UBE2G1: variants seen among roughly 807,000 people sequenced by gnomAD.
UBE2G1 encodes ubiquitin conjugating enzyme E2 G1.
Under a neutral mutation model 22.7 loss-of-function variants are expected in UBE2G1, and 5 were observed. That is an observed-to-expected ratio of 0.22 (90% CI 0.12 to 0.46). UBE2G1 has a LOEUF of 0.46. UBE2G1 is among the 20% of genes least tolerant of loss of function. The probability of loss-of-function intolerance (pLI) is 0.99; values close to 1 mark genes in which losing one functional copy is unlikely to be tolerated. For synonymous variants in UBE2G1, 74 were observed against 67.5 expected, an observed-to-expected ratio of 1.10 and a Z score of -0.47; for missense variants, 88 against 203.9, an observed-to-expected ratio of 0.43 and a Z score of 3.46.
chr17:4,340,275 A>G (rs1177163442), intron 1 of UBE2G1, among the ~76,000 whole-genome samples: 1 of 152,184 alleles, frequency 6.6e-6, no homozygotes, highest in African/African-American at 2.4e-5. Context: ...GTCTTGCCCT[A>G]AACTGATACT....
chr17:4,351,030 CAAA>C (rs796508050), intron 1 of UBE2G1, among the ~76,000 whole-genome samples: 15 of 109,882 alleles, frequency 1.4e-4, no homozygotes, highest in Admixed American at 2.9e-4. Context: ...AAGACTTCGT[CAAA>C]AAAAAAAAAA....
intron 1 of UBE2G1, among the ~76,000 whole-genome samples, chr17:4,338,221 A>G (rs2143790945): frequency 6.6e-6 from 1 of 152,150 alleles, no homozygotes; most frequent in East Asian, 1.9e-4. Flanking sequence ...TGGGAGGGGA[A>G]AAAAAACAGA....
At chr17:4,295,433 G>T (rs1048358955) in intron 3 of UBE2G1, among the ~76,000 whole-genome samples, 1 of 152,140 alleles carries the variant, frequency 6.6e-6, no homozygotes, top group East Asian at 1.9e-4. Context: ...ATGCCCATCT[G>T]GTTTTCAAGC....
chr17:4,284,824 CTTTTCTTTTCTTTCTTTTT>C (rs1177864798), intron 4 of UBE2G1, among the ~76,000 whole-genome samples: 55 of 85,608 alleles, frequency 6.4e-4, no homozygotes, highest in Admixed American at 3.2e-3. Flanking sequence ...TTTTTCTTTT[CTTTTCTTTTCTTTCTTTTT>C]TTTTTTTTTT....
chr17:4,301,229 T>C (rs4790191), intron 2 of UBE2G1: 335,661 of 343,914 alleles, frequency 0.98, 164,391 homozygotes, highest in East Asian at 1. Flanking sequence ...TATTATTCTA[T>C]GATAGTCAGA....
chr17:4,293,839 C>T (rs946238710), intron 3 of UBE2G1, among the ~76,000 whole-genome samples: 2 of 152,148 alleles, frequency 1.3e-5, no homozygotes, highest in Non-Finnish European at 2.9e-5. Flanking sequence ...AACTAAATTA[C>T]CCTTCCTGCA....
chr17:4,355,441 G>C (rs1287504290), intron 1 of UBE2G1, among the ~76,000 whole-genome samples: 1 of 149,150 alleles, frequency 6.7e-6, no homozygotes, highest in Non-Finnish European at 1.5e-5. Context: ...AGGAGTTTAA[G>C]ACTAGCCATG....
At chr17:4,291,358 C>CAA (rs377584623) in intron 3 of UBE2G1, among the ~76,000 whole-genome samples, 10,726 of 117,232 alleles carry the variant, frequency 0.091, 660 homozygotes, top group South Asian at 0.16. Flanking sequence ...AACTCCATCT[C>CAA]AAAAAAAAAA....
intron 1 of UBE2G1, among the ~76,000 whole-genome samples, chr17:4,316,941 A>T (rs1012070825): frequency 7.9e-4 from 30 of 37,792 alleles, no homozygotes; most frequent in East Asian, 3.6e-3. Flanking sequence ...TCTTGAATAA[A>T]AAAAAAAAAA....
At chr17:4,355,587 G>A (rs1174777656) in intron 1 of UBE2G1, among the ~76,000 whole-genome samples, 2 of 147,790 alleles carry the variant, frequency 1.4e-5, no homozygotes, top group African/African-American at 2.5e-5. Flanking sequence ...GGTTGCGGTG[G>A]GCTGAGATCG....
intron 1 of UBE2G1, among the ~76,000 whole-genome samples, chr17:4,358,914 T>A (rs1248143005): frequency 6.6e-6 from 1 of 151,622 alleles, no homozygotes; most frequent in African/African-American, 2.4e-5. Flanking sequence ...ATCGTGCCAC[T>A]GCACTTAAGC....
At chr17:4,298,229 G>A (rs368888126) in intron 2 of UBE2G1, among the ~76,000 whole-genome samples, 1 of 152,186 alleles carries the variant, frequency 6.6e-6, no homozygotes, top group Non-Finnish European at 1.5e-5. Context: ...AGAGGCTGAG[G>A]GGGGAAGGAT....
intron 5 of UBE2G1, among the ~76,000 whole-genome samples, chr17:4,278,331 C>G (rs1357888742): frequency 1.3e-5 from 2 of 152,216 alleles, no homozygotes; most frequent in African/African-American, 2.4e-5. Context: ...TGATTGTCTA[C>G]AGCAGGGGTG....
intron 2 of UBE2G1, among the ~76,000 whole-genome samples, chr17:4,304,089 T>A (rs1416028657): frequency 6.6e-6 from 1 of 152,234 alleles, no homozygotes; most frequent in Non-Finnish European, 1.5e-5. Flanking sequence ...AGTAGCGTAA[T>A]CTTGGCTCAC....
At position 4,298,631 on chromosome 17, in the gene UBE2G1, C is replaced by T. The variant is rs546198635; in HGVS notation, c.150-1817G>A. On this transcript the variant is annotated intron_variant, in intron 2 of 5. Coordinates refer to ENST00000396981, the MANE Select transcript of UBE2G1 (RefSeq NM_003342.5). ...GGACTCAGAGTATAAAGTCAGTGAC[C>T]TTGATAATACAATTTTTTTAGTAAA... Among the ~76,000 whole-genome samples, 26 of 151,940 alleles carry T rather than the reference C, an allele frequency of 1.7e-4. 1 individual carries two copies. The South Asian group carries it at 5.0e-3, about 29-fold the overall frequency.
intron 3 of UBE2G1, among the ~76,000 whole-genome samples, chr17:4,290,013 A>C (rs1969014848): frequency 6.6e-6 from 1 of 152,210 alleles, no homozygotes; most frequent in Non-Finnish European, 1.5e-5. Context: ...CCTTTCTATA[A>C]ACACATTTAA....
intron 2 of UBE2G1, among the ~76,000 whole-genome samples, chr17:4,306,411 T>A (rs1969249456): frequency 6.6e-6 from 1 of 151,904 alleles, no homozygotes. Context: ...GGTATCAAAC[T>A]CCTGACCTCT....
At chr17:4,355,655 G>GA (rs563547133) in intron 1 of UBE2G1, among the ~76,000 whole-genome samples, 486 of 133,846 alleles carry the variant, frequency 3.6e-3, no homozygotes, top group Middle Eastern at 0.012. Flanking sequence ...AAAAAAAAAA[G>GA]AAAAAAAAAA....
intron 1 of UBE2G1, among the ~76,000 whole-genome samples, chr17:4,346,434 T>C (rs4053438): frequency 0.035 from 2,370 of 67,002 alleles, 33 homozygotes; most frequent in African/African-American, 0.15. Context: ...TCTTCTTCTT[T>C]TTTTTTTTTT....
Sources: allele counts gnomAD v4.1 joint callset (sites outside exome capture counted in the v4.1 genomes callset), GRCh38; gene constraint gnomAD v4.1.1; transcripts MANE v1.5; gene names NCBI Gene and HGNC (gene_info 2026-07-23, HGNC 2026-07-21).